MTERF4: variants seen among roughly 807,000 people sequenced by gnomAD.
MTERF4 encodes the protein transcription termination factor 4, mitochondrial.
A neutral mutation model predicts 22.5 loss-of-function variants in MTERF4; 17 were observed. That is an observed-to-expected ratio of 0.75 (90% CI 0.52 to 1.13). The LOEUF is 1.13. Ranked by LOEUF, MTERF4 falls within the 50% of genes most tolerant of loss-of-function variation. The probability of loss-of-function intolerance (pLI) is 0.00; values close to 1 mark genes in which losing one functional copy is unlikely to be tolerated. For synonymous variants in MTERF4, 165 were observed against 175.3 expected (o/e 0.94, Z 0.47); for missense variants, 420 against 466.8 (o/e 0.90, Z 0.92).
Position 241,073,315 on chromosome 2 carries a change from G to A in MTERF4, n.2847C>T. 1 of 1,574,070 alleles carries A rather than the reference G, an allele frequency of 6.4e-7. No homozygotes were observed. Among genetic ancestry groups the A allele is most frequent in the South Asian group, 1.2e-5 (1 of 85,372 alleles). ...AGAACATGGAGGAAGCCCCCAAGCGGGTCAGCCTGGCCCTCCAGCTCCCTG... is the reference window on the plus strand; with the variant it reads ...AGAACATGGAGGAAGCCCCCAAGCGAGTCAGCCTGGCCCTCCAGCTCCCTG... On this transcript the variant is annotated non_coding_transcript_exon_variant, in exon 5 of 5. Transcript: ENST00000464344. The surrounding 1 kb of genome is among the most constrained non-coding windows in gnomAD (Gnocchi z 6.6).
intron 4 of MTERF4, among the ~76,000 whole-genome samples, chr2:241,076,376 A>G (rs1437763540): frequency 6.6e-6 from 1 of 152,202 alleles, no homozygotes; most frequent in Non-Finnish European, 1.5e-5. Flanking sequence ...GTTTGATACT[A>G]TTATATAGTT....
At chr2:241,085,560 C>A (rs909378831), downstream of MTERF4, among the ~76,000 whole-genome samples, 18 of 152,144 alleles carry the variant, frequency 1.2e-4, no homozygotes, top group African/African-American at 4.3e-4. Flanking sequence ...TCATCACTCT[C>A]ATGTCTGGGT....
chr2:241,051,406 A>C, the MTERF4 span: 1 of 245,600 alleles, frequency 4.1e-6, no homozygotes. The surrounding 1 kb of genome is among the most constrained non-coding windows in gnomAD (Gnocchi z 4.7). Context: ...CAGATGGGGA[A>C]TGCCCGTGTG....
the MTERF4 span, among the ~76,000 whole-genome samples, chr2:241,050,536 A>C: frequency 6.6e-6 from 1 of 152,114 alleles, no homozygotes. Context: ...CGCAGCCTGG[A>C]CTGGTGTGGA....
chr2:241,096,352 T>C lies in MTERF4; in HGVS notation c.792A>G (p.Arg264=), dbSNP rs751077030. The change falls in exon 4 of 4, where the codon AGA becomes AGG. Residue 264 remains arginine (R), a synonymous_variant. Coordinates refer to ENST00000391980, the MANE Select transcript of MTERF4 (RefSeq NM_182501.4). The surrounding 1 kb of genome is among the most constrained non-coding windows in gnomAD (Gnocchi z 5.1). ...LQYSLTKIKQ[R]HIYLERLGRY... ...GTCCCAGGCGCTCCAGGTAAATGTG[T>C]CTCTGCTTAATCTTGGTTAGTGAAT... 6 of 1,614,184 alleles carry C rather than the reference T, an allele frequency of 3.7e-6. No homozygotes were observed. Among genetic ancestry groups the C allele is most frequent in the Non-Finnish European group, 5.1e-6 (6 of 1,180,036 alleles).
At chr2:241,074,166 T>G (rs772544788) in exon 5 of MTERF4, 4 of 152,298 alleles carry the variant, frequency 2.6e-5, no homozygotes, top group African/African-American at 4.8e-5. Context: ...TGTGAGCTGC[T>G]GAGCGTGGTC....
chr2:241,071,257 C>T (rs965791641), downstream of MTERF4: 28 of 433,486 alleles, frequency 6.5e-5, no homozygotes, highest in Non-Finnish European at 9.8e-5. Context: ...AGTCCGAGCC[C>T]GAGTGCCCAG....
At chr2:241,093,727 C>G (rs957631176), downstream of MTERF4, 2 of 152,294 alleles carry the variant, frequency 1.3e-5, no homozygotes, top group Admixed American at 6.5e-5. Flanking sequence ...AAAAAGACTT[C>G]CTGGTGCTCA....
the MTERF4 span, chr2:241,052,584 AGG>A: frequency 7.3e-5 from 53 of 727,066 alleles, no homozygotes; most frequent in South Asian, 5.7e-4. Flanking sequence ...TGAGAGGGCC[AGG>A]GGGCCAAGCA....
chr2:241,068,342 G>A (rs192653424), downstream of MTERF4, among the ~76,000 whole-genome samples: 620 of 151,054 alleles, frequency 4.1e-3, 4 homozygotes, highest in African/African-American at 0.014. This position sits in a 1 kb window ranked among gnomAD's most constrained non-coding sequence, Gnocchi z 5.3. Flanking sequence ...AGAGAGCAGC[G>A]GCCAGCGAGG....
At chr2:241,064,574 G>A in the MTERF4 span, among the ~76,000 whole-genome samples, 1 of 152,194 alleles carries the variant, frequency 6.6e-6, no homozygotes, top group Non-Finnish European at 1.5e-5. This position sits in a 1 kb window ranked among gnomAD's most constrained non-coding sequence, Gnocchi z 7.0. Context: ...ACTGTCACTG[G>A]GGTGGTGGCC....
chr2:241,083,877 G>A (rs1559312385), downstream of MTERF4, among the ~76,000 whole-genome samples: 2 of 147,114 alleles, frequency 1.4e-5, no homozygotes, highest in East Asian at 2.0e-4. Flanking sequence ...AATGGCTGAT[G>A]TGGTTGGATT....
chr2:241,091,356 T>C (rs1012097800), downstream of MTERF4, among the ~76,000 whole-genome samples: 2 of 152,188 alleles, frequency 1.3e-5, no homozygotes, highest in Non-Finnish European at 2.9e-5. The surrounding 1 kb of genome is among the most constrained non-coding windows in gnomAD (Gnocchi z 4.1). Flanking sequence ...CATTTAAAAG[T>C]TGCAATGCTG....
chr2:241,099,410 A>G lies in MTERF4; in HGVS notation c.506T>C (p.Leu169Pro). ...ACTTCTTGTACCTTCTCCAAGCCCA[A>G]GCTTTTGCAGGTAACTGGAGCGCTT... is the stretch of plus-strand genomic sequence containing the variant. ...MRKRSSYLQKLGLGEGKLKRV... is the reference protein window; with the variant it reads ...MRKRSSYLQKPGLGEGKLKRV... Residue 169 changes from leucine to proline, a missense_variant, in exon 2 of 4, where the codon CTT (leucine) becomes CCT (proline). By Grantham distance (98) the Leu-to-Pro change is moderately conservative. Coordinates refer to ENST00000391980, the MANE Select transcript of MTERF4 (RefSeq NM_182501.4). 1 of 1,613,010 alleles carries G rather than the reference A, an allele frequency of 6.2e-7. No homozygotes were observed. The highest frequency in any genetic ancestry group is 1.1e-5 in the South Asian group (1 of 91,074).
At chr2:241,067,734 G>A (rs377165418), downstream of MTERF4, 71 of 1,569,260 alleles carry the variant, frequency 4.5e-5, no homozygotes, top group African/African-American at 1.8e-4. Flanking sequence ...AGGAGGGGCC[G>A]GCACCTGCTG....
the MTERF4 span, among the ~76,000 whole-genome samples, chr2:241,055,551 T>C: frequency 6.6e-6 from 1 of 152,316 alleles, no homozygotes; most frequent in East Asian, 1.9e-4. Flanking sequence ...AGGAACATCA[T>C]GAAGCCTATG....
chr2:241,046,490 T>C, the MTERF4 span, among the ~76,000 whole-genome samples: 2 of 152,214 alleles, frequency 1.3e-5, no homozygotes, highest in Admixed American at 6.5e-5. Flanking sequence ...CAATTATAGA[T>C]ACATACGACA....
chr2:241,095,327 A>C (rs1351790175), downstream of MTERF4: 2 of 152,984 alleles, frequency 1.3e-5, no homozygotes, highest in Admixed American at 6.5e-5. Flanking sequence ...CTGACATAAA[A>C]GCCAACTTCC....
the MTERF4 span, among the ~76,000 whole-genome samples, chr2:241,043,482 A>G: frequency 7.2e-5 from 11 of 152,198 alleles, no homozygotes; most frequent in Admixed American, 1.3e-4. Context: ...ATTCATCACC[A>G]GCATACCTGC....
Sources: gnomAD v4.1 joint callset for allele counts (sites outside exome capture counted in the v4.1 genomes callset) on GRCh38, gnomAD v4.1.1 for gene constraint, Gnocchi (gnomAD v3.1) non-coding constraint, MANE v1.5 for transcripts, NCBI Gene and HGNC (gene_info 2026-07-23, HGNC 2026-07-21) for gene names.